The following PSMB7 variants were observed in gnomAD, a reference collection of about 807,000 sequenced individuals.
PSMB7 encodes proteasome 20S subunit beta 7.
PSMB7 carries 5 observed loss-of-function variants against 28.1 expected under a neutral mutation model. The ratio of observed to expected loss-of-function variants is 0.18; its 90% confidence interval spans 0.09 to 0.37. The LOEUF (loss-of-function observed/expected upper bound fraction) is 0.37, where lower values mean the gene tolerates loss of function less well. PSMB7 is among the 10% of genes least tolerant of loss of function. PSMB7 has a pLI of 1.00. For missense variants in PSMB7, 275 were observed against 346.2 expected (o/e 0.79, Z 1.63); for synonymous variants, 122 against 123.7 (o/e 0.99, Z 0.09).
intron 6 of PSMB7, among the ~76,000 whole-genome samples, chr9:124,357,736 G>T (rs1047482200): frequency 6.6e-6 from 1 of 152,204 alleles, no homozygotes; most frequent in Non-Finnish European, 1.5e-5. Context: ...AGAAGCTAGG[G>T]CTGCAGAGGT....
At position 124,356,711 on chromosome 9, in the gene PSMB7, AG is replaced by A; in HGVS notation, c.722+52del. 6.3e-7 allele frequency: 1 copy of A among 1,575,826 alleles called. No individual in the cohort carries two copies. The highest frequency in any genetic ancestry group is 8.7e-7 in the Non-Finnish European group (1 of 1,153,552). ...CCATCCAGATGCCATGGAGATACCA[AG>A]GGTGGCCACGACGCCAGGGGACCCA... On this transcript the variant is annotated intron_variant, in intron 7 of 7. Coordinates refer to ENST00000259457, the MANE Select transcript of PSMB7 (RefSeq NM_002799.4). The surrounding 1 kb of genome is among the most constrained non-coding windows in gnomAD (Gnocchi z 4.4).
At chr9:124,414,055 C>A in intron 2 of PSMB7, 50 bp from the exon 3 acceptor site, 1 of 1,197,762 alleles carries the variant, frequency 8.3e-7, no homozygotes. Flanking sequence ...AAGCCAACCG[C>A]AACTCTCTAT....
intron 6 of PSMB7, among the ~76,000 whole-genome samples, chr9:124,381,928 T>C (rs754134148): frequency 1.8e-4 from 27 of 152,044 alleles, no homozygotes; most frequent in Non-Finnish European, 3.5e-4. Flanking sequence ...ACTTTTAAAC[T>C]CAACCACTAA....
chr9:124,414,752 C>G lies in PSMB7; in HGVS notation c.156+90G>C, dbSNP rs1564688742. 38 of 1,110,834 alleles carry G rather than the reference C, an allele frequency of 3.4e-5. No homozygotes were observed. In the South Asian group the frequency reaches 4.7e-4, roughly 14 times the overall value. 68.8% of individuals were successfully genotyped at this position (1,110,834 alleles called of 1,614,324 possible). ...ATGTATTCTATAGCATTTGCCTTTC[C>G]AGACCGAGCCGGGAGAGACACCGGA... On this transcript the variant is annotated intron_variant, in intron 2 of 7. Transcript: ENST00000259457.
At chr9:124,410,429 T>C (rs1472645496) in intron 4 of PSMB7, among the ~76,000 whole-genome samples, 1 of 152,224 alleles carries the variant, frequency 6.6e-6, no homozygotes, top group Admixed American at 6.5e-5. Context: ...GCTTAAAAAT[T>C]GCCTTTATTA....
intron 5 of PSMB7, among the ~76,000 whole-genome samples, chr9:124,400,758 C>T (rs1014369616): frequency 5.8e-4 from 2 of 3,442 alleles, no homozygotes; most frequent in Non-Finnish European, 2.9e-3. Context: ...GAATTCTGGC[C>T]GAAACGTGTA....
At chr9:124,413,192 T>TA (rs1333606363) in intron 3 of PSMB7, among the ~76,000 whole-genome samples, 4 of 146,224 alleles carry the variant, frequency 2.7e-5, no homozygotes, top group African/African-American at 7.6e-5. Context: ...AAAAAATGTT[T>TA]AAAAAAAGGA....
intron 5 of PSMB7, among the ~76,000 whole-genome samples, chr9:124,391,073 T>C (rs1010399670): frequency 6.6e-5 from 10 of 152,194 alleles, no homozygotes; most frequent in Non-Finnish European, 1.0e-4. Flanking sequence ...ACCCCACTTA[T>C]CCAGAAGTGT....
intron 6 of PSMB7, among the ~76,000 whole-genome samples, chr9:124,361,693 T>G (rs1353485903): frequency 6.6e-6 from 1 of 152,238 alleles, no homozygotes; most frequent in African/African-American, 2.4e-5. Context: ...TGCTGAGATT[T>G]AGAGAATGAG....
Position 124,365,242 on chromosome 9 carries a change from G to A in PSMB7, c.571-8327C>T, listed in dbSNP as rs1588568741. Among the ~76,000 whole-genome samples, 4 of 152,272 alleles carry A rather than the reference G, an allele frequency of 2.6e-5. 1 individual carries two copies. Among genetic ancestry groups the A allele is most frequent in the African/African-American group, 9.6e-5 (4 of 41,566 alleles). The stretch of plus-strand genomic sequence containing the variant: ...TTGTGGAGCCCAGAAGGGGAAACAA[G>A]GAGATAATCTCATTACAATGAGGTA... On this transcript the variant is annotated intron_variant, in intron 6 of 7. Coordinates refer to ENST00000259457, the MANE Select transcript of PSMB7 (RefSeq NM_002799.4).
intron 5 of PSMB7, among the ~76,000 whole-genome samples, chr9:124,392,719 GAATTTCTTTCTCA>G: frequency 6.6e-6 from 1 of 152,280 alleles, no homozygotes; most frequent in South Asian, 2.1e-4. Context: ...GAGGTCTTCA[GAATTTCTTTCTCA>G]AAGTCATGAA....
At chr9:124,406,162 C>A (rs964414148) in intron 4 of PSMB7, among the ~76,000 whole-genome samples, 3 of 152,130 alleles carry the variant, frequency 2.0e-5, no homozygotes, top group South Asian at 2.1e-4. Context: ...CCACAGTTAA[C>A]AATGAGGAGG....
At chr9:124,358,412 T>C (rs1830434906) in intron 6 of PSMB7, among the ~76,000 whole-genome samples, 1 of 152,208 alleles carries the variant, frequency 6.6e-6, no homozygotes. Context: ...GTGACATCTA[T>C]GTGGGGCCAA....
chr9:124,392,115 C>T (rs984785180), intron 5 of PSMB7, among the ~76,000 whole-genome samples: 1 of 152,194 alleles, frequency 6.6e-6, no homozygotes, highest in African/African-American at 2.4e-5. Context: ...CTTTTACAGA[C>T]AAGGAAATTG....
intron 6 of PSMB7, among the ~76,000 whole-genome samples, chr9:124,366,502 C>T (rs932353766): frequency 2.6e-5 from 4 of 152,130 alleles, no homozygotes; most frequent in Non-Finnish European, 5.9e-5. Flanking sequence ...TATAAGGGTC[C>T]AAAAGTTTTT....
At chr9:124,381,899 T>C (rs1470285281) in intron 6 of PSMB7, among the ~76,000 whole-genome samples, 1 of 152,190 alleles carries the variant, frequency 6.6e-6, no homozygotes, top group Non-Finnish European at 1.5e-5. Context: ...GCTGTTATTC[T>C]ATTATGTGCC....
At chr9:124,408,164 G>C (rs761960860) in intron 4 of PSMB7, among the ~76,000 whole-genome samples, 1 of 152,102 alleles carries the variant, frequency 6.6e-6, no homozygotes, top group Non-Finnish European at 1.5e-5. Context: ...CTCCAGCCTG[G>C]GCAACAGAAA....
chr9:124,400,178 T>C (rs1830886135), intron 5 of PSMB7, among the ~76,000 whole-genome samples: 1 of 152,136 alleles, frequency 6.6e-6, no homozygotes, highest in South Asian at 2.1e-4. Flanking sequence ...CACGGAGCCC[T>C]TGTGCACCAC....
intron 6 of PSMB7, among the ~76,000 whole-genome samples, chr9:124,364,104 G>A (rs1402421095): frequency 6.6e-6 from 1 of 152,192 alleles, no homozygotes. Flanking sequence ...AAGGGTATGA[G>A]AGAACTAACA....
Sources: allele counts gnomAD v4.1 joint callset (sites outside exome capture counted in the v4.1 genomes callset), GRCh38; gene constraint gnomAD v4.1.1; non-coding constraint Gnocchi (gnomAD v3.1); transcripts MANE v1.5; gene names NCBI Gene and HGNC (gene_info 2026-07-23, HGNC 2026-07-21).